DIAPH3: variants seen among roughly 807,000 people sequenced by gnomAD.
DIAPH3 encodes protein diaphanous homolog 3.
A neutral mutation model predicts 144.3 loss-of-function variants in DIAPH3; 117 were observed. That is an observed-to-expected ratio of 0.81 (90% CI 0.70 to 0.95). The LOEUF (loss-of-function observed/expected upper bound fraction) is 0.95. Ranked by LOEUF, DIAPH3 falls within the 40% of genes least tolerant of loss-of-function variation. The pLI is 0.00. For missense variants in DIAPH3, 1,421 were observed against 1,412.7 expected (o/e 1.01, Z -0.09); for synonymous variants, 519 against 488.9 (o/e 1.06, Z -0.81).
At chr13:60,035,772 T>C (rs2055168594) in intron 5 of DIAPH3, among the ~76,000 whole-genome samples, 1 of 152,222 alleles carries the variant, frequency 6.6e-6, no homozygotes, top group Admixed American at 6.5e-5. Context: ...CTAATACTTT[T>C]TGACTTCTTA....
intron 27 of DIAPH3, among the ~76,000 whole-genome samples, chr13:59,730,810 GA>G (rs2035858978): frequency 6.6e-6 from 1 of 152,148 alleles, no homozygotes; most frequent in Non-Finnish European, 1.5e-5. Context: ...AAAGGATGTT[GA>G]GATGATCACA....
chr13:60,008,502 T>C, intron 9 of DIAPH3, 42 bp downstream of exon 9: 1 of 1,294,794 alleles, frequency 7.7e-7, no homozygotes, highest in South Asian at 1.2e-5. Context: ...AAAAGTAATA[T>C]ATGCCATTTA....
At chr13:60,096,103 T>G (rs1292360044) in intron 3 of DIAPH3, among the ~76,000 whole-genome samples, 1 of 152,228 alleles carries the variant, frequency 6.6e-6, no homozygotes, top group Non-Finnish European at 1.5e-5. Context: ...TGAACATAGG[T>G]AACATTATCC....
intron 4 of DIAPH3, among the ~76,000 whole-genome samples, chr13:60,051,675 T>C (rs936992766): frequency 1.3e-5 from 2 of 152,034 alleles, no homozygotes; most frequent in African/African-American, 4.8e-5. Flanking sequence ...TGCCCTACTA[T>C]ACAAGGGGAG....
At chr13:59,740,297 C>T (rs2036384387) in intron 27 of DIAPH3, among the ~76,000 whole-genome samples, 1 of 152,182 alleles carries the variant, frequency 6.6e-6, no homozygotes, top group African/African-American at 2.4e-5. Context: ...CAATTCACCT[C>T]TACCATATTA....
At chr13:59,987,693 C>A (rs1243980120) in intron 12 of DIAPH3, among the ~76,000 whole-genome samples, 5 of 150,940 alleles carry the variant, frequency 3.3e-5, no homozygotes, top group African/African-American at 1.2e-4. Context: ...GATATTGTAC[C>A]TTTTTGGTTA....
chr13:60,145,200 T>G (rs1951446960), intron 1 of DIAPH3, among the ~76,000 whole-genome samples: 1 of 152,164 alleles, frequency 6.6e-6, no homozygotes, highest in Admixed American at 6.5e-5. Flanking sequence ...CTCCTTCCTT[T>G]CCCTCAGTCC....
chr13:59,719,045 G>C (rs540010620), intron 27 of DIAPH3, among the ~76,000 whole-genome samples: 1 of 152,216 alleles, frequency 6.6e-6, no homozygotes, highest in South Asian at 2.1e-4. Flanking sequence ...GTATGCCTCT[G>C]ATAAGGAACT....
At chr13:59,771,655 C>T (rs1478144461) in intron 27 of DIAPH3, among the ~76,000 whole-genome samples, 3 of 152,032 alleles carry the variant, frequency 2.0e-5, no homozygotes, top group Non-Finnish European at 4.4e-5. Context: ...AAGAGTATGG[C>T]ATGGCAAAGA....
rs184370443 is a variant in DIAPH3 at position 59,970,718 on chromosome 13, G to C, written c.1959+134C>G. ...CTATTTTATTGTCACTTTGATTAGT[G>C]ACATTAGAAATTATGTATATATAAA... is the stretch of plus-strand genomic sequence containing the variant. On this transcript the variant is annotated intron_variant, in intron 16 of 27. Transcript: ENST00000400324. 1.3e-5 allele frequency: 10 copies of C among 777,330 alleles called. No individual in the cohort carries two copies. The East Asian group carries it at 2.9e-4, about 23-fold the overall frequency. The allele number at this position is 777,330 out of a possible 1,614,324, so 48.2% of individuals were successfully genotyped here. A position where few individuals can be genotyped will look rare whatever the true frequency, so the allele number is the denominator to read the frequency against.
intron 4 of DIAPH3, among the ~76,000 whole-genome samples, chr13:60,078,422 G>A (rs2057446799): frequency 6.6e-6 from 1 of 152,102 alleles, no homozygotes. Context: ...CAAGGTGGAG[G>A]TCAGAATGAA....
chr13:60,118,031 T>G (rs1243190553), intron 2 of DIAPH3, among the ~76,000 whole-genome samples: 3 of 152,196 alleles, frequency 2.0e-5, no homozygotes, highest in African/African-American at 7.2e-5. Flanking sequence ...GATTCTGTTA[T>G]AATGCCATTT....
At chr13:59,716,171 C>A (rs2035042156) in intron 27 of DIAPH3, among the ~76,000 whole-genome samples, 1 of 100,248 alleles carries the variant, frequency 1.0e-5, no homozygotes, top group Admixed American at 1.2e-4. Flanking sequence ...GCTTGTATAT[C>A]CAAGAAACTT....
chr13:59,839,422 A>G lies in DIAPH3; in HGVS notation c.2764T>C (p.Leu922=). 6.2e-7 allele frequency: 1 copy of G among 1,613,700 alleles called. No individual in the cohort carries two copies. ...KVSVETLEKN[L]RQMGRQLQQL... ...TGAAGCTGCCTTCCCATCTGCCTCA[A>G]ATTCTTTTCCAGCGTTTCTACAGAG... is the stretch of plus-strand genomic sequence containing the variant. Residue 922 remains leucine, a synonymous_variant, in exon 23 of 28, where the codon TTG becomes CTG. Transcript: ENST00000400324.
At chr13:60,019,746 T>C (rs1232202363) in intron 5 of DIAPH3, among the ~76,000 whole-genome samples, 2 of 152,020 alleles carry the variant, frequency 1.3e-5, no homozygotes, top group African/African-American at 4.8e-5. Context: ...AAACTGAAAG[T>C]GTGTAAAGTG....
intron 4 of DIAPH3, among the ~76,000 whole-genome samples, chr13:60,058,870 G>C (rs1183072894): frequency 6.6e-6 from 1 of 151,858 alleles, no homozygotes; most frequent in Middle Eastern, 3.2e-3. Context: ...AAGGCATACA[G>C]CGTGGTATAA....
intron 4 of DIAPH3, among the ~76,000 whole-genome samples, chr13:60,084,007 C>CAGAT (rs71089524): frequency 0.048 from 6,493 of 136,480 alleles, 165 homozygotes; most frequent in Middle Eastern, 0.062. Context: ...GATAGATAGA[C>CAGAT]AGATAGATAG....
chr13:59,984,445 C>T (rs943741636), intron 12 of DIAPH3, among the ~76,000 whole-genome samples: 6 of 151,574 alleles, frequency 4.0e-5, no homozygotes, highest in South Asian at 2.1e-4. Flanking sequence ...GTCCAAAAAT[C>T]GAAGTTTAAC....
intron 24 of DIAPH3, among the ~76,000 whole-genome samples, chr13:59,832,377 T>A (rs1157046127): frequency 6.6e-6 from 1 of 151,860 alleles, no homozygotes; most frequent in Non-Finnish European, 1.5e-5. Context: ...AAATTCAACC[T>A]TCTTTTTCTT....
Sources: allele counts gnomAD v4.1 joint callset (sites outside exome capture counted in the v4.1 genomes callset), GRCh38; gene constraint gnomAD v4.1.1; transcripts MANE v1.5; gene names NCBI Gene and HGNC (gene_info 2026-07-23, HGNC 2026-07-21).